Variants in GTF2E2 observed in about 807,000 individuals in gnomAD.
GTF2E2 encodes general transcription factor IIE subunit 2.
In GTF2E2, 21 loss-of-function variants were observed where a neutral mutation model predicts 40.5. The ratio of observed to expected loss-of-function variants is 0.52; its 90% CI spans 0.37 to 0.75. The LOEUF is 0.75. Among genes scored for constraint, GTF2E2 ranks in the 30% least tolerant of loss-of-function variants. The pLI is 0.00. For missense variants in GTF2E2, 298 were observed against 338.4 expected, an observed-to-expected ratio of 0.88 and a Z score of 0.94; for synonymous variants, 117 against 121.6, an observed-to-expected ratio of 0.96 and a Z score of 0.25.
At chr8:30,587,169 G>C (rs1475098769) in intron 6 of GTF2E2, among the ~76,000 whole-genome samples, 3 of 152,162 alleles carry the variant, frequency 2.0e-5, no homozygotes, top group Non-Finnish European at 2.9e-5. Flanking sequence ...CCAGCACTTT[G>C]GGAGGGCGAG....
chr8:30,635,047 A>T lies in GTF2E2; in HGVS notation c.243T>A (p.Ile81=). Residue 81 remains isoleucine (I), a synonymous_variant, in exon 3 of 8, where the codon ATT becomes ATA. Coordinates refer to ENST00000355904, the MANE Select transcript of GTF2E2 (RefSeq NM_002095.6). ...SGYKFGVLAK[I]VNYMKTRHQR... is the part of the protein sequence containing the mutation. ...AAGTACTTACCTTCATGTAATTCAC[A>T]ATCTTAGCAAGAACACCAAACTTAT... 6.3e-7 allele frequency: 1 copy of T among 1,590,940 alleles called. No individual in the cohort carries two copies. The highest frequency in any genetic ancestry group is 8.6e-7 in the Non-Finnish European group (1 of 1,161,034).
At chr8:30,650,527 C>CAAA (rs34700093) in intron 2 of GTF2E2, among the ~76,000 whole-genome samples, 5 of 129,472 alleles carry the variant, frequency 3.9e-5, no homozygotes, top group East Asian at 2.2e-4. Context: ...CCATCTCTAC[C>CAAA]AAAAAAAAAA....
chr8:30,600,800 C>A (rs1829155911), intron 6 of GTF2E2, among the ~76,000 whole-genome samples: 1 of 152,182 alleles, frequency 6.6e-6, no homozygotes, highest in African/African-American at 2.4e-5. Context: ...AAAATTACTA[C>A]ACCATCAACT....
At chr8:30,587,890 A>AC (rs1828728816) in intron 6 of GTF2E2, among the ~76,000 whole-genome samples, 3 of 151,442 alleles carry the variant, frequency 2.0e-5, no homozygotes, top group Admixed American at 2.0e-4. Context: ...AAAAAAAAAA[A>AC]AAACCACACA....
chr8:30,597,000 T>C, intron 6 of GTF2E2: 1 of 152,502 alleles, frequency 6.6e-6, no homozygotes, highest in Non-Finnish European at 1.5e-5. Flanking sequence ...CTGGTCTGCC[T>C]CCACGTTCTT....
At chr8:30,629,688 CAAAAAAAAAAAA>C (rs10707910) in intron 3 of GTF2E2, among the ~76,000 whole-genome samples, 1 of 70,954 alleles carries the variant, frequency 1.4e-5, no homozygotes, top group Middle Eastern at 6.8e-3. Flanking sequence ...GATTCCATCT[CAAAAAAAAAAAA>C]AAAAAAAAAG....
chr8:30,618,688 A>G lies in GTF2E2; in HGVS notation c.259-3973T>C, dbSNP rs1800997310. On this transcript the variant is annotated intron_variant, in intron 3 of 7. Coordinates refer to ENST00000355904, the MANE Select transcript of GTF2E2 (RefSeq NM_002095.6). ...CAAATCTGCTCAATATTCTATGATT[A>G]TAGCAGCTATTTACAGTTTGCTAAC... Among the ~76,000 whole-genome samples, 3 of 152,206 alleles carry G rather than the reference A, an allele frequency of 2.0e-5. No homozygotes were observed. In the South Asian group the frequency reaches 6.2e-4, roughly 31 times the overall value.
At chr8:30,636,339 C>T (rs1223384464) in intron 2 of GTF2E2, among the ~76,000 whole-genome samples, 1 of 152,210 alleles carries the variant, frequency 6.6e-6, no homozygotes. Flanking sequence ...GAGAACCAAT[C>T]TCTGGCACCA....
At chr8:30,626,945 T>C (rs1460133014) in intron 3 of GTF2E2, among the ~76,000 whole-genome samples, 1 of 152,254 alleles carries the variant, frequency 6.6e-6, no homozygotes, top group Admixed American at 6.5e-5. Context: ...AAGCTCTTCA[T>C]CTTTTTGTTT....
intron 2 of GTF2E2, among the ~76,000 whole-genome samples, chr8:30,639,724 T>G (rs1044237060): frequency 2.0e-5 from 3 of 152,186 alleles, no homozygotes; most frequent in African/African-American, 7.2e-5. Context: ...GCTTCTGTCC[T>G]TTTACCTTGC....
chr8:30,633,383 C>A (rs1409833166), intron 3 of GTF2E2, among the ~76,000 whole-genome samples: 1 of 152,008 alleles, frequency 6.6e-6, no homozygotes, highest in Admixed American at 6.6e-5. Context: ...CATTTAGATT[C>A]CATTAGATAA....
In GTF2E2 at chr8:30,578,853, A is replaced by G; in HGVS notation, c.*68T>C. On this transcript the variant is annotated 3_prime_UTR_variant, in exon 8 of 8. Coordinates refer to ENST00000355904, the MANE Select transcript of GTF2E2 (RefSeq NM_002095.6). ...AAGCAGATAGGAAGACAGTCTTCAGACCCCGAGCATCAGCAAGAACACTCT... is the reference window on the plus strand; with the variant it reads ...AAGCAGATAGGAAGACAGTCTTCAGGCCCCGAGCATCAGCAAGAACACTCT... 1.2e-6 allele frequency: 1 copy of G among 829,166 alleles called. No individual in the cohort carries two copies. The highest frequency in any genetic ancestry group is 2.1e-6 in the Non-Finnish European group (1 of 466,462). The allele number at this position is 829,166 out of a possible 1,614,324, so 51.4% of individuals were successfully genotyped here. A position where few individuals can be genotyped will look rare whatever the true frequency, so the allele number is the denominator to read the frequency against.
Position 30,583,871 on chromosome 8 carries a change from T to A in GTF2E2, c.644-3475A>T, listed in dbSNP as rs571619743. Among the ~76,000 whole-genome samples the A allele has an allele frequency of 3.9e-5, 6 of 152,148 alleles. No homozygotes were observed. The East Asian group carries it at 1.2e-3, about 29-fold the overall frequency. ...CCCAGGCTGGAGTGCAGTGGTGCGA[T>A]CTCGGCTCACTGCAAGCTCCACCTC... On this transcript the variant is annotated intron_variant, in intron 6 of 7. Coordinates refer to ENST00000355904, the MANE Select transcript of GTF2E2 (RefSeq NM_002095.6).
rs138524746 is a variant in GTF2E2 at position 30,657,545 on chromosome 8, T to C, written c.-5+428A>G. Reference sequence around the variant, plus strand: ...TGTTTAGACTGCAGAAATCAACTACTATCGTTAAAGTTTAGGGATCATCAC... The same window carrying C: ...TGTTTAGACTGCAGAAATCAACTACCATCGTTAAAGTTTAGGGATCATCAC... On this transcript the variant is annotated intron_variant, in intron 1 of 7. Transcript: ENST00000355904. 4.8e-4 allele frequency: 73 copies of C among 152,232 alleles called. 1 individual carries two copies. Among genetic ancestry groups the C allele is most frequent in the African/African-American group, 1.7e-3 (72 of 41,546 alleles). 9.4% of individuals were successfully genotyped at this position (152,232 alleles called of 1,614,324 possible).
intron 4 of GTF2E2, 54 bp from the exon 5 acceptor site, chr8:30,612,535 A>G (rs1422272427): frequency 1.9e-6 from 2 of 1,067,872 alleles, no homozygotes; most frequent in Admixed American, 2.6e-5. Flanking sequence ...AAATATATAT[A>G]TATATTTTTG....
intron 6 of GTF2E2, among the ~76,000 whole-genome samples, chr8:30,587,221 G>A (rs1828708348): frequency 6.6e-6 from 1 of 151,944 alleles, no homozygotes; most frequent in Non-Finnish European, 1.5e-5. Context: ...GACCAGCCTG[G>A]GCAATATAGT....
intron 3 of GTF2E2, among the ~76,000 whole-genome samples, chr8:30,634,070 G>A (rs1010256682): frequency 6.6e-6 from 1 of 152,172 alleles, no homozygotes; most frequent in Admixed American, 6.5e-5. Context: ...GTGAATAAGA[G>A]TTTGGCAAAA....
At chr8:30,610,956 T>C (rs1829459615) in intron 5 of GTF2E2, among the ~76,000 whole-genome samples, 1 of 152,308 alleles carries the variant, frequency 6.6e-6, no homozygotes, top group African/African-American at 2.4e-5. Context: ...ATATATTTTT[T>C]AAAACTCCCA....
chr8:30,580,236 G>T, intron 7 of GTF2E2, 45 bp downstream of exon 7: 1 of 1,064,278 alleles, frequency 9.4e-7, no homozygotes, highest in African/African-American at 1.5e-5. Flanking sequence ...CAGGCTAACA[G>T]TTCCCAGGGC....
Sources: gnomAD v4.1 joint callset for allele counts (sites outside exome capture counted in the v4.1 genomes callset) on GRCh38, gnomAD v4.1.1 for gene constraint, MANE v1.5 for transcripts, NCBI Gene and HGNC (gene_info 2026-07-23, HGNC 2026-07-21) for gene names.